The following HID1 variants were observed in gnomAD, a reference collection of about 807,000 sequenced individuals.
HID1 encodes HID1 domain containing.
In HID1, 42 loss-of-function variants were observed where a neutral mutation model predicts 89.7. That is an observed-to-expected ratio of 0.47 (90% CI 0.37 to 0.61). HID1 has a LOEUF of 0.61. Among genes scored for constraint, HID1 ranks in the 20% least tolerant of loss-of-function variants. The probability of loss-of-function intolerance (pLI) is 0.00; values close to 1 mark genes in which losing one functional copy is unlikely to be tolerated. For synonymous variants in HID1, 442 were observed against 433.8 expected (o/e 1.02, Z -0.24); for missense variants, 854 against 1,039.3 (o/e 0.82, Z 2.45).
rs1216391475 is a variant in HID1, at chr17:74,961,290, CAG to C, written c.728+581_728+582del. 2.1e-4 allele frequency among the ~76,000 whole-genome samples: 32 copies of C among 150,968 alleles called. 1 individual carries two copies. The highest frequency in any genetic ancestry group is 6.6e-4 in the African/African-American group (27 of 41,058). On this transcript the variant is annotated intron_variant, in intron 6 of 18. Coordinates refer to ENST00000425042, the MANE Select transcript of HID1 (RefSeq NM_030630.3). ...ATTTATTTATTTTTTTTTTTGGAAACAGAGTCTCACTCTGTCACCCAGGCTGG... is the reference window on the plus strand; with the variant it reads ...ATTTATTTATTTTTTTTTTTGGAAACAGTCTCACTCTGTCACCCAGGCTGG...
chr17:74,961,273 A>AT (rs558094471), intron 6 of HID1, among the ~76,000 whole-genome samples: 2,545 of 148,484 alleles, frequency 0.017, 31 homozygotes, highest in South Asian at 0.034. Flanking sequence ...GTATTTATTT[A>AT]TTTTTTTTTT....
In HID1 at chr17:74,962,881, G is replaced by A. The variant is rs115620498; in HGVS notation, c.504+84C>T. ...AGCCCCCCGGCCCCCAGTGCAATCC[G>A]CCCAAGGGAACTTCAACTGGCCCGG... is the stretch of plus-strand genomic sequence containing the variant. On this transcript the variant is annotated intron_variant, in intron 4 of 18. Coordinates refer to ENST00000425042, the MANE Select transcript of HID1 (RefSeq NM_030630.3). The surrounding 1 kb of genome is among the most constrained non-coding windows in gnomAD (Gnocchi z 4.3). 6.8e-4 allele frequency: 672 copies of A among 984,560 alleles called. 5 individuals are homozygous for A. The African/African-American group carries it at 8.2e-3, about 12-fold the overall frequency. 61.0% of individuals were successfully genotyped at this position (984,560 alleles called of 1,614,324 possible).
At chr17:74,967,534 G>A (rs1004760263) in intron 1 of HID1, among the ~76,000 whole-genome samples, 9 of 151,534 alleles carry the variant, frequency 5.9e-5, no homozygotes, top group South Asian at 2.1e-4. Flanking sequence ...GTGAGACTCC[G>A]TCTCAAAAAA....
intron 16 of HID1, among the ~76,000 whole-genome samples, 158 bp downstream of exon 16, chr17:74,952,848 G>C (rs543646552): frequency 1.3e-5 from 2 of 152,334 alleles, no homozygotes; most frequent in East Asian, 3.9e-4. Context: ...CGGAAGGACC[G>C]ACCCAGAGTC....
At position 74,963,740 on chromosome 17, in the gene HID1, C is replaced by T; in HGVS notation, c.387G>A (p.Gly129=). 1.2e-6 allele frequency: 2 copies of T among 1,602,468 alleles called. No individual in the cohort carries two copies. The highest frequency in any genetic ancestry group is 1.7e-6 in the Non-Finnish European group (2 of 1,174,564). Residue 129 remains glycine, a splice_region_variant and synonymous_variant, in exon 3 of 19, where the codon GGG becomes GGA. Coordinates refer to ENST00000425042, the MANE Select transcript of HID1 (RefSeq NM_030630.3). Reference sequence around the variant, plus strand: ...CCCAGCCCTGGCCAGGCCCACAGACCCCTCCTCGCCCTGCCCCGGGCACTG... The same window carrying T: ...CCCAGCCCTGGCCAGGCCCACAGACTCCTCCTCGCCCTGCCCCGGGCACTG... ...WSTVPGAGRG[G]QGEEDDEHAR... is the part of the protein sequence containing the mutation.
At chr17:74,955,271 G>A (rs551357271) in intron 13 of HID1, among the ~76,000 whole-genome samples, 3 of 152,358 alleles carry the variant, frequency 2.0e-5, no homozygotes, top group South Asian at 4.1e-4. Flanking sequence ...CAGGCCAGAT[G>A]TGGCGGCTCA....
chr17:74,969,947 G>C (rs1410135028), intron 1 of HID1, among the ~76,000 whole-genome samples: 9 of 111,508 alleles, frequency 8.1e-5, no homozygotes, highest in Non-Finnish European at 1.6e-4. Context: ...TTTTGAGGCA[G>C]AGTTTCGCTC....
chr17:74,958,475 C>T lies in HID1; in HGVS notation c.1244G>A (p.Arg415Gln), dbSNP rs375659521. Reference sequence around the variant, plus strand: ...GACACCAATGTGCATCAGGCCCACCCGAGCTGCGGCAGGTGGCGTGGGAGG... The same window carrying T: ...GACACCAATGTGCATCAGGCCCACCTGAGCTGCGGCAGGTGGCGTGGGAGG... ...FLNDARADQS[R>Q]VGLMHIGVFI... The change falls in exon 11 of 19, where the codon CGG becomes CAG. Residue 415 changes from arginine (R) to glutamine (Q), a missense_variant. By Grantham distance (43) the Arg-to-Gln change is conservative (BLOSUM62 1). Transcript: ENST00000425042. This position sits in a 1 kb window ranked among gnomAD's most constrained non-coding sequence, Gnocchi z 5.2. 2.1e-5 allele frequency: 34 copies of T among 1,591,512 alleles called. No individual in the cohort carries two copies. Among genetic ancestry groups the T allele is most frequent in the Non-Finnish European group, 2.5e-5 (29 of 1,169,250 alleles).
chr17:74,952,430 A>G (rs1211007455), intron 16 of HID1, 70 bp from the exon 17 acceptor site: 1 of 1,116,138 alleles, frequency 9.0e-7, no homozygotes, highest in Non-Finnish European at 1.4e-6. Flanking sequence ...CCTGACCCTG[A>G]CCCAGAACCA....
Position 74,962,068 on chromosome 17 carries a change from GC to G in HID1, c.612-80del. 1 of 1,228,730 alleles carries G rather than the reference GC, an allele frequency of 8.1e-7. No homozygotes were observed. Among genetic ancestry groups the G allele is most frequent in the Non-Finnish European group, 1.1e-6 (1 of 890,198 alleles). The allele number at this position is 1,228,730 out of a possible 1,614,324, so 76.1% of individuals were successfully genotyped here. A position where few individuals can be genotyped will look rare whatever the true frequency, so the allele number is the denominator to read the frequency against. On this transcript the variant is annotated intron_variant, in intron 5 of 18. Coordinates refer to ENST00000425042, the MANE Select transcript of HID1 (RefSeq NM_030630.3). The surrounding 1 kb of genome is among the most constrained non-coding windows in gnomAD (Gnocchi z 4.3). ...TCTGCCCACCCAGCCCAGCGCCCCAGCCCAGGTCCATGGAAGGAAGTTACTC... is the reference window on the plus strand; with the variant it reads ...TCTGCCCACCCAGCCCAGCGCCCCAGCCAGGTCCATGGAAGGAAGTTACTC...
At chr17:74,970,325 G>A (rs1009512304) in intron 1 of HID1, among the ~76,000 whole-genome samples, 2 of 152,200 alleles carry the variant, frequency 1.3e-5, no homozygotes, top group Non-Finnish European at 2.9e-5. Flanking sequence ...TGTGCAGGGG[G>A]AAGGTCCCCT....
At chr17:74,967,470 C>T (rs1011472052) in intron 1 of HID1, among the ~76,000 whole-genome samples, 3 of 146,982 alleles carry the variant, frequency 2.0e-5, no homozygotes, top group Admixed American at 1.4e-4. Context: ...ACCCAGGAGG[C>T]GGAGGTTGCA....
At position 74,967,954 on chromosome 17, in the gene HID1, A is replaced by C. The variant is rs1212784765; in HGVS notation, c.67-3322T>G. ...TATCTCTACAAAAAAAAAAAGAAAA[A>C]ATTAGCCACGTGTAGTGGCACGCAC... On this transcript the variant is annotated intron_variant, in intron 1 of 18. Coordinates refer to ENST00000425042, the MANE Select transcript of HID1 (RefSeq NM_030630.3). The C allele has an allele frequency of 3.3e-5, 5 of 151,914 alleles. No homozygotes were observed. The East Asian group carries it at 9.8e-4, about 30-fold the overall frequency. The allele number at this position is 151,914 out of a possible 1,614,324, so 9.4% of individuals were successfully genotyped here.
chr17:74,965,897 A>G (rs1476013982), intron 1 of HID1, among the ~76,000 whole-genome samples: 1 of 150,910 alleles, frequency 6.6e-6, no homozygotes, highest in Non-Finnish European at 1.5e-5. Context: ...AGCCTGGGCA[A>G]CAAGAGCAAA....
intron 1 of HID1, among the ~76,000 whole-genome samples, chr17:74,969,176 G>A (rs1165049214): frequency 6.6e-6 from 1 of 151,942 alleles, no homozygotes; most frequent in African/African-American, 2.4e-5. Flanking sequence ...GCCCGCCCAA[G>A]GAAGCTTCTA....
intron 16 of HID1, 107 bp downstream of exon 16, chr17:74,952,899 A>G (rs1473506855): frequency 6.1e-6 from 5 of 826,356 alleles, no homozygotes; most frequent in African/African-American, 1.7e-5. Context: ...ACATCTTGCC[A>G]TCTTCACTGA....
At chr17:74,957,419 G>A (rs541259034) in intron 12 of HID1, among the ~76,000 whole-genome samples, 170 of 152,200 alleles carry the variant, frequency 1.1e-3, no homozygotes, top group African/African-American at 3.9e-3. Context: ...GGAGGTTGCA[G>A]TGAATGGAGA....
At position 74,952,469 on chromosome 17, in the gene HID1, G is replaced by A. The variant is rs531975477; in HGVS notation, c.2053-109C>T. ...GCTCCCCAAGGCAGAAAGTACCCCTGCTCCTTGCAGCATGAGCCTGGCACC... is the reference window on the plus strand; with the variant it reads ...GCTCCCCAAGGCAGAAAGTACCCCTACTCCTTGCAGCATGAGCCTGGCACC... On this transcript the variant is annotated intron_variant, in intron 16 of 18. Coordinates refer to ENST00000425042, the MANE Select transcript of HID1 (RefSeq NM_030630.3). The A allele has an allele frequency of 8.9e-5, 64 of 718,620 alleles. No homozygotes were observed. In the African/African-American group the frequency reaches 9.7e-4, roughly 11 times the overall value. The allele number at this position is 718,620 out of a possible 1,614,324, so 44.5% of individuals were successfully genotyped here.
At position 74,955,922 on chromosome 17, in the gene HID1, A is replaced by T. The variant is rs9906160; in HGVS notation, c.1506T>A (p.Thr502=). ...SPYLKSLSMV[T]ANKLLHLLEA... ...CCAGCAGGTGCAGCAACTTGTTGGC[A>T]GTCACCATGGACAGGCTCTTGAGGT... Residue 502 remains threonine (T), a synonymous_variant, in exon 13 of 19, where the codon ACT becomes ACA. Transcript: ENST00000425042. The T allele has an allele frequency of 1.2e-6, 2 of 1,613,962 alleles. No individual in the cohort carries two copies. The highest frequency in any genetic ancestry group is 1.7e-6 in the Non-Finnish European group (2 of 1,179,972).
Sources: allele counts gnomAD v4.1 joint callset (sites outside exome capture counted in the v4.1 genomes callset), GRCh38; gene constraint gnomAD v4.1.1; non-coding constraint Gnocchi (gnomAD v3.1); transcripts MANE v1.5; gene names NCBI Gene and HGNC (gene_info 2026-07-23, HGNC 2026-07-21).